Variants in ZNF165 observed in about 807,000 individuals in gnomAD.
ZNF165 encodes the protein zinc finger protein 165, also known as cancer/testis antigen 53.
Under a neutral mutation model 19.6 loss-of-function variants are expected in ZNF165, and 14 were observed. The observed-to-expected ratio is 0.71, with a 90% CI of 0.47 to 1.12. The LOEUF is 1.12. ZNF165 is among the 50% of genes most tolerant of loss of function. ZNF165 has a pLI of 0.00. For synonymous variants in ZNF165, 165 were observed against 195.0 expected (o/e 0.85, Z 1.28); for missense variants, 504 against 566.3 (o/e 0.89, Z 1.12).
Position 28,089,209 on chromosome 6 carries a change from C to G in ZNF165, c.1197C>G (p.Pro399=). The change falls in exon 4 of 4, where the codon CCC becomes CCG. Residue 399 remains proline, a synonymous_variant. Coordinates refer to ENST00000683778, the MANE Select transcript of ZNF165 (RefSeq NM_001376491.1). ...RHRRIHTGER[P]FGCKECGRAF... Reference sequence around the variant, plus strand: ...GGCGAATTCACACTGGGGAAAGACCCTTTGGTTGCAAAGAATGTGGGAGAG... The same window carrying G: ...GGCGAATTCACACTGGGGAAAGACCGTTTGGTTGCAAAGAATGTGGGAGAG... 5 of 1,614,178 alleles carry G rather than the reference C, an allele frequency of 3.1e-6. No individual in the cohort carries two copies. Among genetic ancestry groups the G allele is most frequent in the Non-Finnish European group, 4.2e-6 (5 of 1,180,034 alleles).
rs1277270808 is a variant in ZNF165, at chr6:28,088,692, G to T, written c.680G>T (p.Cys227Phe). Residue 227 changes from cysteine (C) to phenylalanine (F), a missense_variant, in exon 4 of 4, where the codon TGT becomes TTT. Cys to Phe is a radical substitution (Grantham distance 205). Coordinates refer to ENST00000683778, the MANE Select transcript of ZNF165 (RefSeq NM_001376491.1). The stretch of plus-strand genomic sequence containing the variant: ...GCATCTGGTGAGTCTCAAGACATCT[G>T]TAAGTCTGCAGGCAGGGTAAAGAGA... ...SEASGESQDI[C>F]KSAGRVKRQW... is the part of the protein sequence containing the mutation. 4 of 1,614,036 alleles carry T rather than the reference G, an allele frequency of 2.5e-6. No individual in the cohort carries two copies. The highest frequency in any genetic ancestry group is 3.4e-6 in the Non-Finnish European group (4 of 1,180,034).
Position 28,089,089 on chromosome 6 carries a change from T to G in ZNF165, c.1077T>G (p.Leu359=). The G allele has an allele frequency of 3.7e-6, 6 of 1,614,164 alleles. No homozygotes were observed. Among genetic ancestry groups the G allele is most frequent in the Non-Finnish European group, 5.1e-6 (6 of 1,180,010 alleles). Residue 359 remains leucine (L), a synonymous_variant, in exon 4 of 4, where the codon CTT becomes CTG. Transcript: ENST00000683778. Reference sequence around the variant, plus strand: ...AAGCTTTCAGGCACAGCTCAAAACTTGCTAGGCATCAGAGAATCCACACTG... The same window carrying G: ...AAGCTTTCAGGCACAGCTCAAAACTGGCTAGGCATCAGAGAATCCACACTG... ...CGKAFRHSSK[L]ARHQRIHTGE...
In ZNF165 at chr6:28,088,812, G is replaced by A. The variant is rs369111781; in HGVS notation, c.800G>A (p.Gly267Asp). The change falls in exon 4 of 4, where the codon GGT (glycine) becomes GAT (aspartate). Residue 267 changes from glycine to aspartate, a missense_variant. Physicochemically the swap from Gly to Asp is moderately conservative, Grantham distance 94. Transcript: ENST00000683778. ...KILTHKNTVR[G>D]EIISHDGCER... is the part of the protein sequence containing the mutation. ...CTCACCCACAAAAATACAGTCAGAG[G>A]TGAAATAATAAGCCACGATGGATGT... 2 of 1,614,072 alleles carry A rather than the reference G, an allele frequency of 1.2e-6. No individual in the cohort carries two copies.
chr6:28,085,588 C>G lies in ZNF165; in HGVS notation c.108C>G (p.Cys36Trp). 1.2e-6 allele frequency: 2 copies of G among 1,614,230 alleles called. No homozygotes were observed. Among genetic ancestry groups the G allele is most frequent in the East Asian group, 2.2e-5 (1 of 44,884 alleles). Residue 36 changes from cysteine (C) to tryptophan (W), a missense_variant, in exon 2 of 4, where the codon TGC (cysteine) becomes TGG (tryptophan). Transcript: ENST00000683778. Reference protein sequence around the residue: ...EEEFIHGQDTCLQRSELLKQE... With the variant: ...EEEFIHGQDTWLQRSELLKQE... ...AATTTATCCATGGGCAGGACACTTG[C>G]TTACAGAGAAGTGAACTCCTTAAGC...
At chr6:28,082,238 T>C (rs888094398) in intron 1 of ZNF165, among the ~76,000 whole-genome samples, 1 of 151,580 alleles carries the variant, frequency 6.6e-6, no homozygotes, top group African/African-American at 2.4e-5. Context: ...CCTAGTGATA[T>C]TTATTTCATA....
chr6:28,080,892 G>A lies in ZNF165; in HGVS notation c.-79G>A, dbSNP rs1218902679. 6.6e-6 allele frequency: 1 copy of A among 152,194 alleles called. No individual in the cohort carries two copies. Among genetic ancestry groups the A allele is most frequent in the Non-Finnish European group, 1.5e-5 (1 of 68,052 alleles). The allele number at this position is 152,194 out of a possible 1,614,324, so 9.4% of individuals were successfully genotyped here. A position where few individuals can be genotyped will look rare whatever the true frequency, so the allele number is the denominator to read the frequency against. ...CTTCTGCGCAGACTCACAAGTCCCT[G>A]TGGACGGAATTCTTGAAGTGTAGCG... On this transcript the variant is annotated 5_prime_UTR_variant, in exon 1 of 4. It adds an upstream start codon to the 5' untranslated region. Coordinates refer to ENST00000683778, the MANE Select transcript of ZNF165 (RefSeq NM_001376491.1).
At chr6:28,086,077 C>T (rs970151329) in intron 2 of ZNF165, 95 bp from the exon 3 acceptor site, 4 of 1,531,804 alleles carry the variant, frequency 2.6e-6, no homozygotes, top group Non-Finnish European at 3.5e-6. Flanking sequence ...CTTCCTTCCC[C>T]AGTTTTGCAT....
chr6:28,087,017 A>G (rs1764292244), intron 3 of ZNF165, among the ~76,000 whole-genome samples: 2 of 152,224 alleles, frequency 1.3e-5, no homozygotes, highest in South Asian at 4.1e-4. Flanking sequence ...CAAGTAACAT[A>G]GACCGTGATC....
At chr6:28,083,522 G>A (rs1477084817) in intron 1 of ZNF165, among the ~76,000 whole-genome samples, 1 of 152,126 alleles carries the variant, frequency 6.6e-6, no homozygotes, top group Non-Finnish European at 1.5e-5. Flanking sequence ...CGCCACTGTG[G>A]TTCATACCCC....
Position 28,088,767 on chromosome 6 carries a change from A to G in ZNF165, c.755A>G (p.Asp252Gly). 6.2e-7 allele frequency: 1 copy of G among 1,614,176 alleles called. No individual in the cohort carries two copies. Among genetic ancestry groups the G allele is most frequent in the South Asian group, 1.1e-5 (1 of 91,072 alleles). Residue 252 changes from aspartate to glycine, a missense_variant, in exon 4 of 4, where the codon GAT becomes GGT. Transcript: ENST00000683778. ...GESQRLSSAQDEGFGKILTHK... is the reference protein window; with the variant it reads ...GESQRLSSAQGEGFGKILTHK... ...TCTCAGAGACTCTCGTCTGCCCAGG[A>G]TGAAGGTTTTGGTAAAATCCTCACC...
rs1313404750 is a variant in ZNF165 at position 28,085,608 on chromosome 6, T to A, written c.128T>A (p.Leu43His). The change falls in exon 2 of 4, where the codon CTT becomes CAT. Residue 43 changes from leucine to histidine, a missense_variant. Physicochemically the swap from Leu to His is moderately conservative, Grantham distance 99. Coordinates refer to ENST00000683778, the MANE Select transcript of ZNF165 (RefSeq NM_001376491.1). The stretch of plus-strand genomic sequence containing the variant: ...ACTTGCTTACAGAGAAGTGAACTCC[T>A]TAAGCAGGAGCTCTGCAGGCAGCTT... The part of the protein sequence containing the change: ...QDTCLQRSEL[L>H]KQELCRQLFR... 1.2e-6 allele frequency: 2 copies of A among 1,614,156 alleles called. No individual in the cohort carries two copies. The highest frequency in any genetic ancestry group is 1.7e-6 in the Non-Finnish European group (2 of 1,180,058).
At chr6:28,084,953 T>C (rs996348894) in intron 1 of ZNF165, among the ~76,000 whole-genome samples, 2 of 152,208 alleles carry the variant, frequency 1.3e-5, no homozygotes, top group African/African-American at 4.8e-5. Flanking sequence ...TTCCTACTCT[T>C]ACCCAATTGT....
At chr6:28,082,513 G>C (rs1764179754) in intron 1 of ZNF165, among the ~76,000 whole-genome samples, 1 of 152,206 alleles carries the variant, frequency 6.6e-6, no homozygotes, top group South Asian at 2.1e-4. Flanking sequence ...GAAATAAAGG[G>C]ATGGGCCGAA....
intron 3 of ZNF165, among the ~76,000 whole-genome samples, chr6:28,087,993 TAGC>T (rs1224565426): frequency 6.6e-6 from 1 of 152,138 alleles, no homozygotes; most frequent in Non-Finnish European, 1.5e-5. Flanking sequence ...ATGGCGATGG[TAGC>T]AGAAATATAA....
intron 1 of ZNF165, among the ~76,000 whole-genome samples, chr6:28,083,192 C>T (rs183929251): frequency 2.0e-5 from 3 of 152,220 alleles, no homozygotes; most frequent in African/African-American, 7.2e-5. Context: ...TTCCTCTACT[C>T]TGTTCCTTTC....
At chr6:28,083,222 C>A (rs570106267) in intron 1 of ZNF165, among the ~76,000 whole-genome samples, 58 of 152,268 alleles carry the variant, frequency 3.8e-4, no homozygotes, top group Non-Finnish European at 6.0e-4. Context: ...TCTTTCTCAT[C>A]CTTTATTGTC....
At chr6:28,082,072 A>G (rs182084171) in intron 1 of ZNF165, among the ~76,000 whole-genome samples, 1 of 152,322 alleles carries the variant, frequency 6.6e-6, no homozygotes, top group East Asian at 1.9e-4. Flanking sequence ...AGGAAACATA[A>G]CCAGAAATAT....
At chr6:28,085,410 C>T (rs1266260816) in intron 1 of ZNF165, 71 bp from the exon 2 acceptor site, 1 of 1,458,720 alleles carries the variant, frequency 6.9e-7, no homozygotes, top group Admixed American at 2.3e-5. Flanking sequence ...AACTTTTGAT[C>T]CCTCAGGAGG....
At chr6:28,087,214 C>A (rs554725115) in intron 3 of ZNF165, among the ~76,000 whole-genome samples, 1 of 152,196 alleles carries the variant, frequency 6.6e-6, no homozygotes, top group South Asian at 2.1e-4. Context: ...CCAAGAATAA[C>A]TTACCGTTAA....
Sources: allele counts gnomAD v4.1 joint callset (sites outside exome capture counted in the v4.1 genomes callset), GRCh38; gene constraint gnomAD v4.1.1; transcripts MANE v1.5; gene names NCBI Gene and HGNC (gene_info 2026-07-23, HGNC 2026-07-21).